LGSN: variants seen among roughly 807,000 people sequenced by gnomAD.
LGSN encodes lengsin, lens protein with glutamine synthetase domain.
Under a neutral mutation model 19.5 loss-of-function variants are expected in LGSN, and 21 were observed. That is an observed-to-expected ratio of 1.07 (90% CI 0.76 to 1.55). The LOEUF (loss-of-function observed/expected upper bound fraction) is 1.55, where lower values mean the gene tolerates loss of function less well. LGSN is among the 40% of genes most tolerant of loss of function. LGSN has a pLI of 0.00. For missense variants in LGSN, 673 were observed against 608.5 expected, an observed-to-expected ratio of 1.11 and a Z score of -1.12; for synonymous variants, 257 against 215.6, an observed-to-expected ratio of 1.19 and a Z score of -1.68.
At chr6:63,396,144 C>G in the LGSN span, 1 of 155,288 alleles carries the variant, frequency 6.4e-6, no homozygotes, top group Non-Finnish European at 1.4e-5. Context: ...TGGTTGCTAT[C>G]TTGCTCTTCC....
At position 63,280,945 on chromosome 6, in the gene LGSN, C is replaced by T; in HGVS notation, c.606G>A (p.Leu202=). The T allele has an allele frequency of 6.2e-7, 1 of 1,614,048 alleles. No individual in the cohort carries two copies. The highest frequency in any genetic ancestry group is 8.5e-7 in the Non-Finnish European group (1 of 1,180,000). ...LSHLQASGFS[L]LSAFIYDFCI... ...AAAAATCATAGATGAAAGCAGAAAG[C>T]AGGGAAAAGCCAGAGGCCTGCAGAT... The change falls in exon 4 of 4, where the codon CTG becomes CTA. Residue 202 remains leucine (L), a synonymous_variant. Transcript: ENST00000370657.
the LGSN span, among the ~76,000 whole-genome samples, chr6:63,358,687 G>C: frequency 5.7e-4 from 87 of 152,238 alleles, no homozygotes; most frequent in Middle Eastern, 0.014. Flanking sequence ...GATTTTGTAT[G>C]CTGAGACTTT....
chr6:63,399,205 C>G, the LGSN span, among the ~76,000 whole-genome samples: 1 of 152,042 alleles, frequency 6.6e-6, no homozygotes, highest in African/African-American at 2.4e-5. Flanking sequence ...CTACAGTATT[C>G]AGTACAGTAA....
intron 1 of LGSN, among the ~76,000 whole-genome samples, chr6:63,309,414 A>G (rs1011087404): frequency 6.6e-6 from 1 of 152,212 alleles, no homozygotes; most frequent in Admixed American, 6.5e-5. Flanking sequence ...CCTGGGCAAC[A>G]GAGCAAGACT....
intron 2 of LGSN, 120 bp from the exon 3 acceptor site, chr6:63,285,873 T>C (rs895422817): frequency 1.3e-6 from 1 of 749,330 alleles, no homozygotes; most frequent in Non-Finnish European, 2.2e-6. Flanking sequence ...ATTCATCATG[T>C]CACTGGCTTA....
At chr6:63,564,933 C>T in the LGSN span, among the ~76,000 whole-genome samples, 1 of 152,230 alleles carries the variant, frequency 6.6e-6, no homozygotes, top group Non-Finnish European at 1.5e-5. Flanking sequence ...GTCCTTTATT[C>T]AGTGCCCCAA....
chr6:63,528,688 G>A, the LGSN span, among the ~76,000 whole-genome samples: 1 of 152,246 alleles, frequency 6.6e-6, no homozygotes, highest in Non-Finnish European at 1.5e-5. Context: ...CTGAGCACGG[G>A]GGAGGTCAAG....
At chr6:63,537,565 C>A in the LGSN span, among the ~76,000 whole-genome samples, 108 of 152,272 alleles carry the variant, frequency 7.1e-4, 1 homozygote, top group South Asian at 4.6e-3. Flanking sequence ...TGGCTGAGTG[C>A]CAAAACTAAC....
chr6:63,532,501 C>A, the LGSN span, among the ~76,000 whole-genome samples: 3 of 152,076 alleles, frequency 2.0e-5, no homozygotes, highest in African/African-American at 4.8e-5. Context: ...GAAGCCTTTT[C>A]TATACCAAGG....
chr6:63,306,423 T>G (rs1768388860), intron 1 of LGSN, among the ~76,000 whole-genome samples: 1 of 152,238 alleles, frequency 6.6e-6, no homozygotes, highest in African/African-American at 2.4e-5. Context: ...CTTTTTCAAT[T>G]GTATTTTTAT....
At chr6:63,404,940 T>G in the LGSN span, among the ~76,000 whole-genome samples, 2 of 148,540 alleles carry the variant, frequency 1.3e-5, no homozygotes, top group Non-Finnish European at 3.0e-5. Context: ...TATCTCCCGA[T>G]GCTATCCCTC....
chr6:63,412,410 AGAAAG>A, the LGSN span, among the ~76,000 whole-genome samples: 1 of 133,072 alleles, frequency 7.5e-6, no homozygotes, highest in African/African-American at 3.5e-5. Flanking sequence ...AAAGAAAGAA[AGAAAG>A]AAGAAAGAAA....
At chr6:63,394,899 G>A in the LGSN span, 1 of 152,756 alleles carries the variant, frequency 6.5e-6, no homozygotes, top group Non-Finnish European at 1.5e-5. Context: ...GCGGTCGTCT[G>A]TGCCTACAGC....
chr6:63,501,330 C>T, the LGSN span, among the ~76,000 whole-genome samples: 23 of 148,042 alleles, frequency 1.6e-4, no homozygotes, highest in Non-Finnish European at 2.7e-4. Flanking sequence ...CCATTGCACT[C>T]TAGCCTGGGC....
chr6:63,356,013 C>G, the LGSN span, among the ~76,000 whole-genome samples: 1 of 151,800 alleles, frequency 6.6e-6, no homozygotes, highest in Non-Finnish European at 1.5e-5. Context: ...ATTCCTGTAT[C>G]TGTTCACATA....
In LGSN at chr6:63,284,511, T is replaced by A. The variant is rs530600734; in HGVS notation, c.330+1076A>T. ...TGAGAAACTAGAGTAATGTCCTATA[T>A]ATGGACTTTTAGGTGCCATTAGTAA... On this transcript the variant is annotated intron_variant, in intron 3 of 3. Transcript: ENST00000370657. Among the ~76,000 whole-genome samples, 3 of 152,304 alleles carry A rather than the reference T, an allele frequency of 2.0e-5. No individual in the cohort carries two copies. The South Asian group carries it at 6.2e-4, about 32-fold the overall frequency.
the LGSN span, among the ~76,000 whole-genome samples, chr6:63,335,806 T>A: frequency 1.3e-5 from 2 of 152,142 alleles, no homozygotes; most frequent in Admixed American, 6.5e-5. Flanking sequence ...AATTCAGCCA[T>A]CCCACTATTG....
At chr6:63,345,461 T>C in the LGSN span, among the ~76,000 whole-genome samples, 1 of 152,228 alleles carries the variant, frequency 6.6e-6, no homozygotes, top group Non-Finnish European at 1.5e-5. Flanking sequence ...TCAAGATTTG[T>C]AGTGTATTCC....
the LGSN span, among the ~76,000 whole-genome samples, chr6:63,363,643 T>G: frequency 1.3e-5 from 2 of 152,028 alleles, no homozygotes; most frequent in East Asian, 3.9e-4. Flanking sequence ...GAAGAGAATT[T>G]TAGAGAAAAA....
Sources: allele counts gnomAD v4.1 joint callset (sites outside exome capture counted in the v4.1 genomes callset), GRCh38; gene constraint gnomAD v4.1.1; transcripts MANE v1.5; gene names NCBI Gene and HGNC (gene_info 2026-07-23, HGNC 2026-07-21).